PDE3A: variants seen among roughly 807,000 people sequenced by gnomAD.
PDE3A encodes phosphodiesterase 3A.
A neutral mutation model predicts 98.3 loss-of-function variants in PDE3A; 43 were observed. The observed-to-expected ratio is 0.44, with a 90% CI of 0.34 to 0.56. The LOEUF is 0.56. Ranked by LOEUF, PDE3A falls within the 20% of genes least tolerant of loss-of-function variation. The pLI is 0.01. For missense variants in PDE3A, 1,427 were observed against 1,440.7 expected (o/e 0.99, Z 0.15); for synonymous variants, 663 against 567.9 (o/e 1.17, Z -2.38).
intron 2 of PDE3A, among the ~76,000 whole-genome samples, chr12:20,566,503 C>CACTT (rs535809057): frequency 1.3e-5 from 2 of 149,750 alleles, no homozygotes; most frequent in African/African-American, 4.9e-5. Context: ...CAGCGATACA[C>CACTT]ACTTAAAAGG....
At chr12:20,654,293 A>T (rs903207928) in intron 15 of PDE3A, 88 bp downstream of exon 15, 1 of 1,245,714 alleles carries the variant, frequency 8.0e-7, no homozygotes, top group African/African-American at 1.5e-5. Context: ...GAAATACACA[A>T]TACTTCAAGT....
At chr12:20,632,949 C>CTTTTTTTTT (rs5796876) in intron 6 of PDE3A, among the ~76,000 whole-genome samples, 2 of 102,122 alleles carry the variant, frequency 2.0e-5, no homozygotes, top group Admixed American at 1.1e-4. Flanking sequence ...AATAATGAGG[C>CTTTTTTTTT]TTTTTTTTTT....
chr12:20,449,343 C>A (rs1199905401), intron 1 of PDE3A, among the ~76,000 whole-genome samples: 1 of 152,190 alleles, frequency 6.6e-6, no homozygotes, highest in Non-Finnish European at 1.5e-5. Flanking sequence ...AGGCAAAATA[C>A]AGCAAAATAT....
rs1247933439 is a variant in PDE3A at position 20,556,652 on chromosome 12, C to G, written c.961-8C>G. 1.3e-6 allele frequency: 2 copies of G among 1,564,110 alleles called. No individual in the cohort carries two copies. The highest frequency in any genetic ancestry group is 1.8e-6 in the Non-Finnish European group (2 of 1,135,810). ...TCATTTAACTTATTATAATTTTCAT[C>G]TTTCCAGCTCATGGGGCATTCAGAA... On this transcript the variant is annotated splice_region_variant and splice_polypyrimidine_tract_variant and intron_variant, in intron 1 of 15. Coordinates refer to ENST00000359062, the MANE Select transcript of PDE3A (RefSeq NM_000921.5).
At chr12:20,631,096 T>C (rs575842171) in intron 6 of PDE3A, among the ~76,000 whole-genome samples, 89 of 152,318 alleles carry the variant, frequency 5.8e-4, no homozygotes, top group African/African-American at 1.9e-3. Flanking sequence ...ATTTATAATT[T>C]TTATTTTTAC....
At chr12:20,461,395 A>T (rs568441581) in intron 1 of PDE3A, among the ~76,000 whole-genome samples, 9 of 152,262 alleles carry the variant, frequency 5.9e-5, no homozygotes, top group African/African-American at 2.2e-4. Flanking sequence ...ATCCAATTGG[A>T]AACAAAATTT....
intron 2 of PDE3A, among the ~76,000 whole-genome samples, chr12:20,567,393 C>A (rs928521484): frequency 1.3e-5 from 2 of 151,934 alleles, no homozygotes; most frequent in African/African-American, 4.8e-5. Context: ...TGCTTTCAGG[C>A]TTTTCTGTTT....
At chr12:20,419,113 T>G (rs1944470466) in intron 1 of PDE3A, among the ~76,000 whole-genome samples, 1 of 152,170 alleles carries the variant, frequency 6.6e-6, no homozygotes, top group African/African-American at 2.4e-5. Context: ...AAAATAATGG[T>G]TTTCAACCTC....
chr12:20,675,588 T>C (rs1166690481), intron 15 of PDE3A, among the ~76,000 whole-genome samples: 4 of 152,224 alleles, frequency 2.6e-5, no homozygotes, highest in African/African-American at 9.6e-5. Context: ...TATCTGGGTG[T>C]GATACTGCTT....
rs575328659 is a variant in PDE3A, at chr12:20,370,016, C to A, written c.732C>A (p.Ala244=). The A allele has an allele frequency of 1.9e-6, 3 of 1,612,872 alleles. No homozygotes were observed. The highest frequency in any genetic ancestry group is 1.1e-5 in the South Asian group (1 of 91,082). The change falls in exon 1 of 16, where the codon GCC becomes GCA. Residue 244 remains alanine, a synonymous_variant. Coordinates refer to ENST00000359062, the MANE Select transcript of PDE3A (RefSeq NM_000921.5). ...GGAGACCTTACCTGGCGTACCTGGC[C>A]GGCGTGCTGGGGATCCTCTTGGCCA... ...VAWRPYLAYL[A]GVLGILLARY...
chr12:20,589,459 C>T (rs777739875), intron 2 of PDE3A, among the ~76,000 whole-genome samples: 2 of 152,014 alleles, frequency 1.3e-5, no homozygotes, highest in African/African-American at 2.4e-5. Flanking sequence ...AAATCAATGA[C>T]CTGATAACTA....
intron 1 of PDE3A, among the ~76,000 whole-genome samples, chr12:20,404,408 T>C (rs959618224): frequency 1.3e-5 from 2 of 152,108 alleles, no homozygotes; most frequent in Non-Finnish European, 2.9e-5. Context: ...TAGAAAGCCA[T>C]ATACTGTAGG....
intron 1 of PDE3A, among the ~76,000 whole-genome samples, chr12:20,533,732 C>CTCCCG (rs1565580135): frequency 2.0e-5 from 3 of 150,470 alleles, no homozygotes; most frequent in Non-Finnish European, 3.0e-5. Flanking sequence ...CGCCCCGCCC[C>CTCCCG]CCTTTGGACT....
intron 1 of PDE3A, among the ~76,000 whole-genome samples, chr12:20,448,311 G>C (rs930809821): frequency 2.0e-5 from 3 of 152,046 alleles, no homozygotes; most frequent in Non-Finnish European, 4.4e-5. Flanking sequence ...CGTAGTGCTG[G>C]GCACCTGTAA....
chr12:20,537,654 C>T (rs1941780431), intron 1 of PDE3A, among the ~76,000 whole-genome samples: 1 of 151,934 alleles, frequency 6.6e-6, no homozygotes, highest in Non-Finnish European at 1.5e-5. Context: ...ACTCTGAGCA[C>T]ACAATATTAA....
chr12:20,509,787 TA>T (rs982990026), intron 1 of PDE3A, among the ~76,000 whole-genome samples: 1 of 149,470 alleles, frequency 6.7e-6, no homozygotes, highest in South Asian at 2.1e-4. Context: ...GAAGCTCATA[TA>T]TTTTTTTACC....
intron 14 of PDE3A, among the ~76,000 whole-genome samples, chr12:20,651,578 A>G (rs113208907): frequency 5.9e-5 from 9 of 152,294 alleles, no homozygotes; most frequent in African/African-American, 1.9e-4. Context: ...ATACCAGTCT[A>G]TAGAAGTTAT....
chr12:20,508,048 C>T (rs1946150173), intron 1 of PDE3A, among the ~76,000 whole-genome samples: 1 of 152,018 alleles, frequency 6.6e-6, no homozygotes, highest in Admixed American at 6.6e-5. Context: ...TTGTCTTTGT[C>T]ATTACCTCAT....
chr12:20,402,370 A>G (rs1944149015), intron 1 of PDE3A, among the ~76,000 whole-genome samples: 1 of 152,002 alleles, frequency 6.6e-6, no homozygotes, highest in Non-Finnish European at 1.5e-5. Context: ...ACTGGTCTCG[A>G]ACTCCTGGCC....
Sources: allele counts gnomAD v4.1 joint callset (sites outside exome capture counted in the v4.1 genomes callset), GRCh38; gene constraint gnomAD v4.1.1; transcripts MANE v1.5; gene names NCBI Gene and HGNC (gene_info 2026-07-23, HGNC 2026-07-21).